Variants in CNBD1 observed in about 807,000 individuals in gnomAD.
CNBD1 encodes cyclic nucleotide binding domain containing 1, also known as cyclic nucleotide-binding domain-containing protein 1.
Under a neutral mutation model 54.4 loss-of-function variants are expected in CNBD1, and 71 were observed. The ratio of observed to expected loss-of-function variants is 1.30; its 90% CI spans 1.08 to 1.59. The LOEUF (loss-of-function observed/expected upper bound fraction) is 1.59. CNBD1 is among the 40% of genes most tolerant of loss of function. The pLI is 0.00. For missense variants in CNBD1, 659 were observed against 518.0 expected (o/e 1.27, Z -2.64); for synonymous variants, 182 against 170.7 (o/e 1.07, Z -0.51).
intron 2 of CNBD1, among the ~76,000 whole-genome samples, chr8:87,388,813 G>A (rs1811247370): frequency 6.6e-6 from 1 of 152,144 alleles, no homozygotes; most frequent in Admixed American, 6.6e-5. Flanking sequence ...GACAATTTTA[G>A]ACCAATATCC....
At chr8:87,086,922 G>C (rs1261968070) in intron 4 of CNBD1, among the ~76,000 whole-genome samples, 5 of 151,952 alleles carry the variant, frequency 3.3e-5, no homozygotes, top group Admixed American at 3.3e-4. Flanking sequence ...ACCTTAAATA[G>C]AAAAGTGAAT....
intron 5 of CNBD1, among the ~76,000 whole-genome samples, chr8:87,227,069 C>T (rs1331044233): frequency 3.3e-5 from 5 of 151,324 alleles, no homozygotes; most frequent in African/African-American, 4.9e-5. Context: ...CAACCCCTGC[C>T]TTTTTTTGTT....
At chr8:87,369,105 C>T (rs1484794799) in intron 10 of CNBD1, among the ~76,000 whole-genome samples, 2 of 151,908 alleles carry the variant, frequency 1.3e-5, no homozygotes, top group African/African-American at 4.8e-5. Flanking sequence ...TTATTTTATT[C>T]CATATATTTT....
intron 4 of CNBD1, among the ~76,000 whole-genome samples, chr8:87,073,494 G>T (rs1810801998): frequency 1.3e-5 from 2 of 152,116 alleles, no homozygotes; most frequent in Admixed American, 1.3e-4. Context: ...TGAGGTCTTT[G>T]TTATGGATGT....
intron 4 of CNBD1, among the ~76,000 whole-genome samples, chr8:87,087,997 T>A (rs1220916950): frequency 6.6e-6 from 1 of 152,114 alleles, no homozygotes; most frequent in Non-Finnish European, 1.5e-5. Context: ...AGAAAAAAAT[T>A]CTGATTAGCT....
chr8:86,868,564 C>T (rs1808396091), intron 1 of CNBD1, among the ~76,000 whole-genome samples: 1 of 109,698 alleles, frequency 9.1e-6, no homozygotes, highest in African/African-American at 3.7e-5. Flanking sequence ...ATCTCCTCAC[C>T]TCGTGATCTG....
intron 8 of CNBD1, among the ~76,000 whole-genome samples, chr8:87,307,678 C>A (rs1809183790): frequency 6.6e-6 from 1 of 150,754 alleles, no homozygotes; most frequent in Admixed American, 6.6e-5. Flanking sequence ...GTGGAGGTTG[C>A]AGTGAGCCAA....
chr8:86,910,270 C>G (rs117399859), intron 3 of CNBD1, among the ~76,000 whole-genome samples: 4,522 of 152,258 alleles, frequency 0.03, 113 homozygotes, highest in Non-Finnish European at 0.047. Context: ...TTGTCGGACT[C>G]TCTACTTCTC....
chr8:87,417,033 G>A (rs7002215), intron 2 of CNBD1, among the ~76,000 whole-genome samples: 85,969 of 151,824 alleles, frequency 0.57, 25,844 homozygotes, highest in African/African-American at 0.77. Flanking sequence ...AATACACTAT[G>A]TTGATGGGAT....
At chr8:87,019,948 A>G (rs1484160682) in intron 4 of CNBD1, among the ~76,000 whole-genome samples, 1 of 152,192 alleles carries the variant, frequency 6.6e-6, no homozygotes, top group Admixed American at 6.5e-5. Flanking sequence ...AGTAAGATTT[A>G]TCAAAAGATC....
Position 87,377,334 on chromosome 8 carries a change from G to A in CNBD1, c.1304-5286G>A, listed in dbSNP as rs1251624491. The stretch of plus-strand genomic sequence containing the variant: ...CACCCCACAACAGTCCCCAGAGTGC[G>A]ATATTCCCCTTCCTGTGTCCATGTG... On this transcript the variant is annotated intron_variant, in intron 10 of 10. Coordinates refer to ENST00000518476, the MANE Select transcript of CNBD1 (RefSeq NM_173538.3). 1.8e-4 allele frequency among the ~76,000 whole-genome samples: 25 copies of A among 140,020 alleles called. No individual in the cohort carries two copies. The Admixed American group carries it at 1.9e-3, about 11-fold the overall frequency. 91.9% of individuals were successfully genotyped at this position (140,020 alleles called of 152,430 possible).
intron 1 of CNBD1, among the ~76,000 whole-genome samples, chr8:86,882,410 C>G (rs1383677999): frequency 6.6e-6 from 1 of 152,074 alleles, no homozygotes; most frequent in East Asian, 1.9e-4. Flanking sequence ...GGCCAACAAT[C>G]ATATGGAAAA....
At chr8:87,032,878 C>T (rs895977226) in intron 4 of CNBD1, among the ~76,000 whole-genome samples, 2 of 152,166 alleles carry the variant, frequency 1.3e-5, no homozygotes, top group Non-Finnish European at 1.5e-5. Flanking sequence ...GATTTGGAAG[C>T]ACTTATCCTC....
chr8:86,887,632 T>G, intron 2 of CNBD1, 21 bp downstream of exon 2: 1 of 1,522,576 alleles, frequency 6.6e-7, no homozygotes, highest in South Asian at 1.2e-5. Flanking sequence ...CATGCATTTC[T>G]TTTTCTGTCA....
chr8:87,057,183 G>T (rs1260179822), intron 4 of CNBD1, among the ~76,000 whole-genome samples: 2 of 152,058 alleles, frequency 1.3e-5, no homozygotes, highest in Admixed American at 1.3e-4. Context: ...CCTGAGACTG[G>T]GTAATTTACA....
At position 87,199,649 on chromosome 8, in the gene CNBD1, C is replaced by T. The variant is rs542320750; in HGVS notation, c.432-6344C>T. Among the ~76,000 whole-genome samples the T allele has an allele frequency of 1.4e-3, 220 of 152,244 alleles. 1 individual carries two copies. The highest frequency in any genetic ancestry group is 5.0e-3 in the African/African-American group (206 of 41,548). The stretch of plus-strand genomic sequence containing the variant: ...AGATTGCTAGAATTTCTTCATCTTC[C>T]GTAACTGAAAATTTGTACCTTTTGA... On this transcript the variant is annotated intron_variant, in intron 4 of 10. Transcript: ENST00000518476.
Position 86,939,648 on chromosome 8 carries a change from A to T in CNBD1, c.325A>T (p.Asn109Tyr). 1 of 1,603,240 alleles carries T rather than the reference A, an allele frequency of 6.2e-7. No individual in the cohort carries two copies. Among genetic ancestry groups the T allele is most frequent in the Non-Finnish European group, 8.5e-7 (1 of 1,175,178 alleles). ...TCAACATCAACAACCTGATGATTCT[A>T]ACAATATAGCTGTCCATGTTCAGAG... Reference protein sequence around the residue: ...ESQHQQPDDSNNIAVHVQRAH... With the variant: ...ESQHQQPDDSYNIAVHVQRAH... Residue 109 changes from asparagine to tyrosine, a missense_variant, in exon 4 of 11, where the codon AAC (asparagine) becomes TAC (tyrosine). Physicochemically the swap from Asn to Tyr is moderately radical, Grantham distance 143 (BLOSUM62 -2). Coordinates refer to ENST00000518476, the MANE Select transcript of CNBD1 (RefSeq NM_173538.3).
chr8:87,160,205 T>C (rs1272175822), intron 4 of CNBD1, among the ~76,000 whole-genome samples: 1 of 151,860 alleles, frequency 6.6e-6, no homozygotes, highest in Non-Finnish European at 1.5e-5. Flanking sequence ...ATGCAACTTA[T>C]AAGAACAAAT....
At chr8:87,377,899 G>C (rs1223798111) in intron 10 of CNBD1, among the ~76,000 whole-genome samples, 1 of 151,012 alleles carries the variant, frequency 6.6e-6, no homozygotes, top group Non-Finnish European at 1.5e-5. Flanking sequence ...TTCTCTGATG[G>C]CCAGTGATGA....
Sources: allele counts gnomAD v4.1 joint callset (sites outside exome capture counted in the v4.1 genomes callset), GRCh38; gene constraint gnomAD v4.1.1; transcripts MANE v1.5; gene names NCBI Gene and HGNC (gene_info 2026-07-23, HGNC 2026-07-21).